Variants in KIF18B observed in about 807,000 individuals in gnomAD.
The protein encoded by KIF18B is kinesin family member 18B, also known as kinesin-like protein KIF18B.
Under a neutral mutation model 80.9 loss-of-function variants are expected in KIF18B, and 49 were observed. That is an observed-to-expected ratio of 0.61 (90% confidence interval 0.48 to 0.77). The LOEUF is 0.77. KIF18B is among the 30% of genes least tolerant of loss of function. The probability of loss-of-function intolerance (pLI) is 0.00; values close to 1 mark genes in which losing one functional copy is unlikely to be tolerated. For missense variants in KIF18B, 994 were observed against 1,127.7 expected (o/e 0.88, Z 1.70); for synonymous variants, 439 against 463.9 (o/e 0.95, Z 0.69).
In KIF18B at chr17:44,927,663, G is replaced by A. The variant is rs931796976; in HGVS notation, c.2276+363C>T. On this transcript the variant is annotated intron_variant, in intron 13 of 15. Coordinates refer to ENST00000593135, the MANE Select transcript of KIF18B (RefSeq NM_001265577.2). This position sits in a 1 kb window ranked among gnomAD's most constrained non-coding sequence, Gnocchi z 4.1. ...GGTATTTCCCAGTGGAACATAGAAT[G>A]CAGCCCAGGCCAAAGAGCCCAAGTA... is the stretch of plus-strand genomic sequence containing the variant. Among the ~76,000 whole-genome samples the A allele has an allele frequency of 4.6e-5, 7 of 152,268 alleles. No homozygotes were observed. Among genetic ancestry groups the A allele is most frequent in the Non-Finnish European group, 5.9e-5 (4 of 68,048 alleles).
rs761426692 is a variant in KIF18B, at chr17:44,932,793, GC to G, written c.1138-21del. ...GGCTACCTGGAACAGAAGCAGCCCA[GC>G]CCCTGAGAGCCCCAGCTAAGCACAG... On this transcript the variant is annotated intron_variant, in intron 8 of 15. Transcript: ENST00000593135. 5 of 1,600,676 alleles carry G rather than the reference GC, an allele frequency of 3.1e-6. No individual in the cohort carries two copies. The highest frequency in any genetic ancestry group is 1.3e-5 in the African/African-American group (1 of 74,710).
intron 1 of KIF18B, among the ~76,000 whole-genome samples, chr17:44,942,107 C>T (rs1157852004): frequency 6.6e-5 from 10 of 152,126 alleles, no homozygotes; most frequent in Non-Finnish European, 1.5e-4. Flanking sequence ...TCTTTGAGAA[C>T]CAGAGAAAAC....
At chr17:44,937,977 TACACACACACACAC>T (rs57130293) in intron 1 of KIF18B, among the ~76,000 whole-genome samples, 12,342 of 144,004 alleles carry the variant, frequency 0.086, 589 homozygotes, top group Middle Eastern at 0.18. Flanking sequence ...AGCATCTCCA[TACACACACACACAC>T]ACACACACAC....
intron 1 of KIF18B, among the ~76,000 whole-genome samples, chr17:44,943,438 TTGA>T (rs1555582713): frequency 1.3e-5 from 2 of 152,162 alleles, no homozygotes; most frequent in Non-Finnish European, 2.9e-5. Flanking sequence ...AAGGCTGTAA[TTGA>T]TGATAGCGTT....
Position 44,934,726 on chromosome 17 carries a change from C to T in KIF18B, c.576+105G>A. Reference sequence around the variant, plus strand: ...CTACATCACCCCCTTGCTACCACCACCACTGCTACCACCATCACAGGACCC... The same window carrying T: ...CTACATCACCCCCTTGCTACCACCATCACTGCTACCACCATCACAGGACCC... On this transcript the variant is annotated intron_variant, in intron 4 of 15. Coordinates refer to ENST00000593135, the MANE Select transcript of KIF18B (RefSeq NM_001265577.2). This position sits in a 1 kb window ranked among gnomAD's most constrained non-coding sequence, Gnocchi z 5.4. 1.6e-6 allele frequency: 2 copies of T among 1,240,596 alleles called. No homozygotes were observed. Among genetic ancestry groups the T allele is most frequent in the Admixed American group, 2.3e-5 (1 of 42,588 alleles). The allele number at this position is 1,240,596 out of a possible 1,614,324, so 76.8% of individuals were successfully genotyped here.
intron 3 of KIF18B, 38 bp downstream of exon 3, chr17:44,935,221 T>C: frequency 6.5e-7 from 1 of 1,544,156 alleles, no homozygotes; most frequent in South Asian, 1.2e-5. Flanking sequence ...TCCCCCCGGG[T>C]GGTTGTGAGA....
In KIF18B at chr17:44,934,360, A is replaced by G. The variant is rs765620431; in HGVS notation, c.758T>C (p.Ile253Thr). The G allele has an allele frequency of 2.5e-6, 4 of 1,607,258 alleles. No individual in the cohort carries two copies. Among genetic ancestry groups the G allele is most frequent in the African/African-American group, 1.3e-5 (1 of 74,794 alleles). ...TGCCCGCTCTGAGCCAGCCAGGTCA[A>G]TCAGGCTCATCTTGGCCACCTGGAC... ...QAVQVAKMSL[I>T]DLAGSERASS... The change falls in exon 6 of 16, where the codon ATT becomes ACT. Residue 253 changes from isoleucine to threonine, a missense_variant. Coordinates refer to ENST00000593135, the MANE Select transcript of KIF18B (RefSeq NM_001265577.2). This position sits in a 1 kb window ranked among gnomAD's most constrained non-coding sequence, Gnocchi z 5.4.
At position 44,934,683 on chromosome 17, in the gene KIF18B, A is replaced by C. The variant is rs564506806; in HGVS notation, c.577-66T>G. On this transcript the variant is annotated intron_variant, in intron 4 of 15. Coordinates refer to ENST00000593135, the MANE Select transcript of KIF18B (RefSeq NM_001265577.2). The surrounding 1 kb of genome is among the most constrained non-coding windows in gnomAD (Gnocchi z 5.4). ...GATCAGGACTTTTCCCCTAACAGGAAGGGCTGCTCTTCAGAATCTACATCA... is the reference window on the plus strand; with the variant it reads ...GATCAGGACTTTTCCCCTAACAGGACGGGCTGCTCTTCAGAATCTACATCA... The C allele has an allele frequency of 3.0e-5, 42 of 1,389,872 alleles. No homozygotes were observed. The East Asian group carries it at 1.1e-3, about 35-fold the overall frequency. The allele number at this position is 1,389,872 out of a possible 1,614,324, so 86.1% of individuals were successfully genotyped here. A position where few individuals can be genotyped will look rare whatever the true frequency, so the allele number is the denominator to read the frequency against.
rs764288603 is a variant in KIF18B, at chr17:44,935,342, A to G, written c.388T>C (p.Tyr130His). 1 of 1,613,386 alleles carries G rather than the reference A, an allele frequency of 6.2e-7. No homozygotes were observed. The highest frequency in any genetic ancestry group is 1.7e-4 in the Middle Eastern group (1 of 6,056). Residue 130 changes from tyrosine to histidine, a missense_variant, in exon 3 of 16, where the codon TAC (tyrosine) becomes CAC (histidine). By Grantham distance (83) the Tyr-to-His change is moderately conservative. Coordinates refer to ENST00000593135, the MANE Select transcript of KIF18B (RefSeq NM_001265577.2). ...CTGTACAGTTCCACGGTGGTCAGGT[A>G]CATGATGCCGGGGTCCCCCTCCCTT... ...LGREGDPGIM[Y>H]LTTVELYRRL...
chr17:44,933,792 C>T (rs2052211796), intron 7 of KIF18B, 131 bp downstream of exon 7: 2 of 893,296 alleles, frequency 2.2e-6, no homozygotes, highest in East Asian at 5.4e-5. Context: ...CATGTCCAGG[C>T]CAGAGGAACT....
intron 1 of KIF18B, among the ~76,000 whole-genome samples, chr17:44,946,045 A>C (rs1357377267): frequency 1.3e-5 from 2 of 149,480 alleles, no homozygotes; most frequent in African/African-American, 2.5e-5. Flanking sequence ...CATAGGGAGA[A>C]CTTGTCTCTA....
At chr17:44,939,488 T>G (rs1182620585) in intron 1 of KIF18B, among the ~76,000 whole-genome samples, 2 of 152,012 alleles carry the variant, frequency 1.3e-5, no homozygotes, top group Admixed American at 1.3e-4. Context: ...TTTTATCATA[T>G]ATCACCTCAT....
At chr17:44,941,386 T>A (rs959014133) in intron 1 of KIF18B, among the ~76,000 whole-genome samples, 11 of 150,258 alleles carry the variant, frequency 7.3e-5, no homozygotes, top group Non-Finnish European at 1.3e-4. Context: ...TCGCCCAGAC[T>A]AGAGTGCAGT....
chr17:44,939,687 T>C lies in KIF18B; in HGVS notation c.-14-3329A>G, dbSNP rs144192279. 2.3e-4 allele frequency among the ~76,000 whole-genome samples: 35 copies of C among 152,328 alleles called. No homozygotes were observed. The East Asian group carries it at 5.8e-3, about 25-fold the overall frequency. ...ACCTAGGAACTGATATCTCTTTCCA[T>C]TTATTCACACCTTTACAGTCTTTAG... On this transcript the variant is annotated intron_variant, in intron 1 of 15. Transcript: ENST00000593135.
chr17:44,943,100 T>A (rs1399885324), intron 1 of KIF18B, among the ~76,000 whole-genome samples: 3 of 152,102 alleles, frequency 2.0e-5, no homozygotes, highest in African/African-American at 4.8e-5. Flanking sequence ...GAAATTGTGT[T>A]TTTTTTGTTT....
At chr17:44,926,216 G>A (rs746103233) in intron 15 of KIF18B, 30 bp from the exon 16 acceptor site, 4 of 1,612,556 alleles carry the variant, frequency 2.5e-6, no homozygotes, top group Non-Finnish European at 3.4e-6. Context: ...GTGGCGGGGA[G>A]TGCAGCGAGG....
chr17:44,946,868 C>T (rs1435835647), intron 1 of KIF18B, among the ~76,000 whole-genome samples: 1 of 152,092 alleles, frequency 6.6e-6, no homozygotes, highest in Non-Finnish European at 1.5e-5. Context: ...CATCTGTAAT[C>T]CCAGCACTTT....
At chr17:44,945,120 C>T (rs781305775) in intron 1 of KIF18B, among the ~76,000 whole-genome samples, 32 of 152,142 alleles carry the variant, frequency 2.1e-4, no homozygotes, top group African/African-American at 6.3e-4. Context: ...AGTGCAGTGG[C>T]GCGATCATGG....
At chr17:44,935,940 G>A (rs760764795) in intron 2 of KIF18B, 92 bp downstream of exon 2, 10 of 1,151,080 alleles carry the variant, frequency 8.7e-6, no homozygotes, top group Non-Finnish European at 1.3e-5. Flanking sequence ...CAGCTTGGGG[G>A]AGGCGGGCAC....
Sources: allele counts gnomAD v4.1 joint callset (sites outside exome capture counted in the v4.1 genomes callset), GRCh38; gene constraint gnomAD v4.1.1; non-coding constraint Gnocchi (gnomAD v3.1); transcripts MANE v1.5; gene names NCBI Gene and HGNC (gene_info 2026-07-23, HGNC 2026-07-21).